SCUBE3: variants seen among roughly 807,000 people sequenced by gnomAD.
The protein encoded by SCUBE3 is signal peptide, CUB and EGF-like domain-containing protein 3.
In SCUBE3, 33 loss-of-function variants were observed where a neutral mutation model predicts 116.8. The ratio of observed to expected loss-of-function variants is 0.28; its 90% CI spans 0.21 to 0.38. The LOEUF (loss-of-function observed/expected upper bound fraction) is 0.38. Ranked by LOEUF, SCUBE3 falls within the 10% of genes least tolerant of loss-of-function variation. The probability of loss-of-function intolerance (pLI) is 1.00; values close to 1 mark genes in which losing one functional copy is unlikely to be tolerated. For missense variants in SCUBE3, 1,007 were observed against 1,324.8 expected (o/e 0.76, Z 3.72); for synonymous variants, 418 against 496.9 (o/e 0.84, Z 2.11).
chr6:35,246,403 G>A, intron 21 of SCUBE3, 118 bp downstream of exon 21: 2 of 749,698 alleles, frequency 2.7e-6, no homozygotes, highest in Non-Finnish European at 4.4e-6. Flanking sequence ...AGCTCTATGA[G>A]GTAGGTGCTT....
Position 35,219,765 on chromosome 6 carries a change from C to T in SCUBE3, c.85+5262C>T, listed in dbSNP as rs1164119263. On this transcript the variant is annotated intron_variant, in intron 1 of 21. Transcript: ENST00000274938. The surrounding 1 kb of genome is among the most constrained non-coding windows in gnomAD (Gnocchi z 4.7). Reference sequence around the variant, plus strand: ...CTGGGGAGCAGGTTTACAGAGAGGACGTTTTTACAAGTTTCTAATTATATT... The same window carrying T: ...CTGGGGAGCAGGTTTACAGAGAGGATGTTTTTACAAGTTTCTAATTATATT... Among the ~76,000 whole-genome samples the T allele has an allele frequency of 2.0e-5, 3 of 152,064 alleles. No homozygotes were observed. Among genetic ancestry groups the T allele is most frequent in the Non-Finnish European group, 2.9e-5 (2 of 68,002 alleles).
In SCUBE3 at chr6:35,231,910, T is replaced by G; in HGVS notation, c.469+51T>G. 2 of 1,529,798 alleles carry G rather than the reference T, an allele frequency of 1.3e-6. No individual in the cohort carries two copies. Among genetic ancestry groups the G allele is most frequent in the Non-Finnish European group, 1.8e-6 (2 of 1,119,532 alleles). 94.8% of individuals were successfully genotyped at this position (1,529,798 alleles called of 1,614,324 possible). The stretch of plus-strand genomic sequence containing the variant: ...CATCCCTGCCCTCCCCAGGCTTCTC[T>G]TCCCAGCTGTCCCTCAGCAGCCCCT... On this transcript the variant is annotated intron_variant, in intron 4 of 21. Transcript: ENST00000274938. The surrounding 1 kb of genome is among the most constrained non-coding windows in gnomAD (Gnocchi z 4.2).
chr6:35,227,616 A>C lies in SCUBE3; in HGVS notation c.122A>C (p.His41Pro), dbSNP rs1783379399. 6.2e-7 allele frequency: 1 copy of C among 1,613,982 alleles called. No homozygotes were observed. The highest frequency in any genetic ancestry group is 1.7e-5 in the Admixed American group (1 of 60,004). ...DECVEGTDNC[H>P]IDAICQNTPR... is the part of the protein sequence containing the mutation. Reference sequence around the variant, plus strand: ...TGTGTGGAGGGGACTGACAACTGCCACATCGATGCTATCTGCCAGAACACC... The same window carrying C: ...TGTGTGGAGGGGACTGACAACTGCCCCATCGATGCTATCTGCCAGAACACC... Residue 41 changes from histidine (H) to proline (P), a missense_variant, in exon 2 of 22, where the codon CAC (histidine) becomes CCC (proline). Transcript: ENST00000274938.
Position 35,243,206 on chromosome 6 carries a change from C to T in SCUBE3, c.1879C>T (p.Pro627Ser). ...ERAEPMESCR[P>S]GQHRAGTKCV... ...AGCAGAGCCGATGGAGTCCTGTAGG[C>T]CCGGGCAGCACCGTGCTGGGACCAA... Residue 627 changes from proline (P) to serine (S), a missense_variant, in exon 15 of 22, where the codon CCC becomes TCC. By Grantham distance (74) the Pro-to-Ser change is moderately conservative. Coordinates refer to ENST00000274938, the MANE Select transcript of SCUBE3 (RefSeq NM_152753.4). This position sits in a 1 kb window ranked among gnomAD's most constrained non-coding sequence, Gnocchi z 6.6. The T allele has an allele frequency of 6.2e-7, 1 of 1,614,138 alleles. No individual in the cohort carries two copies. Among genetic ancestry groups the T allele is most frequent in the South Asian group, 1.1e-5 (1 of 91,084 alleles).
In SCUBE3 at chr6:35,232,948, C is replaced by G; in HGVS notation, c.568C>G (p.Leu190Val). The G allele has an allele frequency of 6.2e-7, 1 of 1,614,152 alleles. No homozygotes were observed. The highest frequency in any genetic ancestry group is 8.5e-7 in the Non-Finnish European group (1 of 1,180,022). ...CTGTGAATGCCGTCCTGGCTTTGAG[C>G]TTACCAAGAACCAACGGGACTGTAA... ...IACECRPGFELTKNQRDCKLT... is the reference protein window; with the variant it reads ...IACECRPGFEVTKNQRDCKLT... The change falls in exon 5 of 22, where the codon CTT (leucine) becomes GTT (valine). Residue 190 changes from leucine to valine, a missense_variant. Around this residue, in one of 5 missense-constraint regions of SCUBE3, gnomAD observed 214 missense variants for 316.7 expected, o/e 0.68. Coordinates refer to ENST00000274938, the MANE Select transcript of SCUBE3 (RefSeq NM_152753.4). The surrounding 1 kb of genome is among the most constrained non-coding windows in gnomAD (Gnocchi z 4.2).
In SCUBE3 at chr6:35,248,958, T is replaced by C. The variant is rs993797340; in HGVS notation, c.*253T>C. The C allele has an allele frequency of 1.0e-5, 5 of 499,842 alleles. No individual in the cohort carries two copies. Among genetic ancestry groups the C allele is most frequent in the African/African-American group, 2.0e-5 (1 of 51,132 alleles). 31.0% of individuals were successfully genotyped at this position (499,842 alleles called of 1,614,324 possible). A position where few individuals can be genotyped will look rare whatever the true frequency, so the allele number is the denominator to read the frequency against. ...AAAAGCCATTCAGTACTGGCTCTAG[T>C]CCCCGTGAGATGTAAAGAAACAGTA... On this transcript the variant is annotated 3_prime_UTR_variant, in exon 22 of 22. Transcript: ENST00000274938.
Position 35,235,122 on chromosome 6 carries a change from T to C in SCUBE3, c.712+1821T>C, listed in dbSNP as rs1268675273. ...CAGAAAGGGCGGCACCCTTTGGGAT[T>C]TGGGATTTTGTGGTTAGTAAGACTT... is the stretch of plus-strand genomic sequence containing the variant. On this transcript the variant is annotated intron_variant, in intron 6 of 21. Coordinates refer to ENST00000274938, the MANE Select transcript of SCUBE3 (RefSeq NM_152753.4). The surrounding 1 kb of genome is among the most constrained non-coding windows in gnomAD (Gnocchi z 4.5). Among the ~76,000 whole-genome samples the C allele has an allele frequency of 2.0e-5, 3 of 152,142 alleles. No individual in the cohort carries two copies. The highest frequency in any genetic ancestry group is 6.5e-5 in the Admixed American group (1 of 15,280).
In SCUBE3 at chr6:35,228,017, C is replaced by T. The variant is rs544440727; in HGVS notation, c.208+315C>T. On this transcript the variant is annotated intron_variant, in intron 2 of 21. Coordinates refer to ENST00000274938, the MANE Select transcript of SCUBE3 (RefSeq NM_152753.4). This position sits in a 1 kb window ranked among gnomAD's most constrained non-coding sequence, Gnocchi z 4.9. ...ACATTGGAACCTTTATCTTTAGACC[C>T]TTACACCACATCCACAATGGATGGG... Among the ~76,000 whole-genome samples the T allele has an allele frequency of 2.4e-4, 37 of 152,306 alleles. No homozygotes were observed. The highest frequency in any genetic ancestry group is 8.7e-4 in the African/African-American group (36 of 41,566).
rs894036265 is a variant in SCUBE3, at chr6:35,241,646, C to G, written c.1299C>G (p.Ala433=). The part of the protein sequence containing the change: ...DTCALTCPSR[A]RFLPESENGF... The stretch of plus-strand genomic sequence containing the variant: ...GTGCCCTGACCTGTCCCTCCAGGGC[C>G]CGATTTTTGCCAGGTACATGGGAGG... The change falls in exon 11 of 22, where the codon GCC becomes GCG. Residue 433 remains alanine (A), a synonymous_variant. Transcript: ENST00000274938. This position sits in a 1 kb window ranked among gnomAD's most constrained non-coding sequence, Gnocchi z 4.1. 6.2e-7 allele frequency: 1 copy of G among 1,611,924 alleles called. No homozygotes were observed. The highest frequency in any genetic ancestry group is 8.5e-7 in the Non-Finnish European group (1 of 1,177,934).
At chr6:35,224,568 C>T in intron 1 of SCUBE3, 1 of 137,748 alleles carries the variant, frequency 7.3e-6, no homozygotes, top group African/African-American at 2.8e-5. Context: ...GCAGAGGTTG[C>T]AGTGAGCCGA....
chr6:35,215,660 T>C (rs910473584), intron 1 of SCUBE3, among the ~76,000 whole-genome samples: 3 of 152,194 alleles, frequency 2.0e-5, no homozygotes, highest in Non-Finnish European at 4.4e-5. Context: ...GCTCTTAAGC[T>C]GCTCTGTTGT....
rs2150294362 is a variant in SCUBE3 at position 35,228,800 on chromosome 6, C to G, written c.334+61C>G. On this transcript the variant is annotated intron_variant, in intron 3 of 21. Coordinates refer to ENST00000274938, the MANE Select transcript of SCUBE3 (RefSeq NM_152753.4). This position sits in a 1 kb window ranked among gnomAD's most constrained non-coding sequence, Gnocchi z 4.9. Reference sequence around the variant, plus strand: ...CTTGTGGAGAAAGAGATCTTTTCAGCATTTCCTATTTCCCAGGGAAGGAGG... The same window carrying G: ...CTTGTGGAGAAAGAGATCTTTTCAGGATTTCCTATTTCCCAGGGAAGGAGG... The G allele has an allele frequency of 6.5e-7, 1 of 1,545,742 alleles. No individual in the cohort carries two copies. Among genetic ancestry groups the G allele is most frequent in the African/African-American group, 1.4e-5 (1 of 73,724 alleles).
Position 35,243,538 on chromosome 6 carries a change from G to A in SCUBE3, c.1910-56G>A. ...CGGGGAGTGGGAAGGGGAGTCCCAG[G>A]CCTGGGTGGTGGGAAATGCGGGGGT... On this transcript the variant is annotated intron_variant, in intron 15 of 21. Coordinates refer to ENST00000274938, the MANE Select transcript of SCUBE3 (RefSeq NM_152753.4). This position sits in a 1 kb window ranked among gnomAD's most constrained non-coding sequence, Gnocchi z 6.6. 11 of 1,478,576 alleles carry A rather than the reference G, an allele frequency of 7.4e-6. No homozygotes were observed. In the South Asian group the frequency reaches 1.5e-4, roughly 20 times the overall value. 91.6% of individuals were successfully genotyped at this position (1,478,576 alleles called of 1,614,324 possible).
chr6:35,224,593 T>C (rs1783248057), intron 1 of SCUBE3: 1 of 138,820 alleles, frequency 7.2e-6, no homozygotes, highest in Non-Finnish European at 1.5e-5. Context: ...ACACCACTAC[T>C]GTACTCCAGC....
At chr6:35,242,574 A>G (rs1378226910) in intron 13 of SCUBE3, 48 bp from the exon 14 acceptor site, 1 of 1,566,788 alleles carries the variant, frequency 6.4e-7, no homozygotes, top group Admixed American at 1.7e-5. Context: ...GCTGGGAGTG[A>G]GAACTTTCCA....
chr6:35,246,458 T>C (rs1464572013), intron 21 of SCUBE3, among the ~76,000 whole-genome samples, 173 bp downstream of exon 21: 1 of 151,852 alleles, frequency 6.6e-6, no homozygotes, highest in Non-Finnish European at 1.5e-5. Context: ...GTATAGAGAG[T>C]TAAAGAACCT....
At chr6:35,217,324 T>C (rs1233687545) in intron 1 of SCUBE3, among the ~76,000 whole-genome samples, 1 of 140,304 alleles carries the variant, frequency 7.1e-6, no homozygotes, top group Non-Finnish European at 1.5e-5. Context: ...TACAGCTGAA[T>C]GAAAAGGTCT....
chr6:35,214,577 G>GGGGCA lies in SCUBE3; in HGVS notation c.85+82_85+86dup, dbSNP rs2150276757. On this transcript the variant is annotated intron_variant, in intron 1 of 21. Coordinates refer to ENST00000274938, the MANE Select transcript of SCUBE3 (RefSeq NM_152753.4). The surrounding 1 kb of genome is among the most constrained non-coding windows in gnomAD (Gnocchi z 6.3). ...CTCAGGGCCTAGGAGCGATTCCCGA[G>GGGGCA]GGGCAGGGCAGGTGCTGGGGAGCGT... 1.0e-6 allele frequency: 1 copy of GGGGCA among 980,400 alleles called. No homozygotes were observed. Among genetic ancestry groups the GGGGCA allele is most frequent in the Non-Finnish European group, 1.4e-6 (1 of 716,706 alleles). 60.7% of individuals were successfully genotyped at this position (980,400 alleles called of 1,614,324 possible).
At position 35,243,736 on chromosome 6, in the gene SCUBE3, C is replaced by A; in HGVS notation, c.2052C>A (p.Thr684=). The A allele has an allele frequency of 6.2e-7, 1 of 1,613,990 alleles. No homozygotes were observed. The change falls in exon 16 of 22, where the codon ACC becomes ACA. Residue 684 remains threonine (T), a synonymous_variant. Transcript: ENST00000274938. This position sits in a 1 kb window ranked among gnomAD's most constrained non-coding sequence, Gnocchi z 6.6. ...GSDAHGPLGA[T]NVTTCAGQCP... ...ATGCCCACGGGCCTCTTGGAGCCAC[C>A]AACGTCACCACGTGTGCAGGTGCCA...
Sources: allele counts gnomAD v4.1 joint callset (sites outside exome capture counted in the v4.1 genomes callset), GRCh38; gene constraint gnomAD v4.1.1; regional missense constraint gnomAD v4.1.1; non-coding constraint Gnocchi (gnomAD v3.1); transcripts MANE v1.5; gene names NCBI Gene and HGNC (gene_info 2026-07-23, HGNC 2026-07-21).